PTPRD: variants seen among roughly 807,000 people sequenced by gnomAD.
The protein encoded by PTPRD is receptor-type tyrosine-protein phosphatase delta.
Under a neutral mutation model 214.5 loss-of-function variants are expected in PTPRD, and 34 were observed. The observed-to-expected ratio is 0.16, with a 90% CI of 0.12 to 0.21. The LOEUF is 0.21. Ranked by LOEUF, PTPRD falls within the 10% of genes least tolerant of loss-of-function variation. The probability of loss-of-function intolerance (pLI) is 1.00; values close to 1 mark genes in which losing one functional copy is unlikely to be tolerated. For synonymous variants in PTPRD, 1,128 were observed against 845.7 expected, an observed-to-expected ratio of 1.33 and a Z score of -5.79; for missense variants, 2,545 against 2,398.7, an observed-to-expected ratio of 1.06 and a Z score of -1.27.
intron 2 of PTPRD, among the ~76,000 whole-genome samples, chr9:10,443,374 A>T (rs1442708390): frequency 6.6e-6 from 1 of 151,634 alleles, no homozygotes; most frequent in African/African-American, 2.4e-5. Context: ...CTAACTTCAC[A>T]TAGCCTGCAA....
intron 4 of PTPRD, among the ~76,000 whole-genome samples, chr9:10,013,467 G>A (rs1467071909): frequency 6.6e-6 from 1 of 151,506 alleles, no homozygotes; most frequent in Non-Finnish European, 1.5e-5. Context: ...CTTATAACAA[G>A]CCATACCAAA....
intron 11 of PTPRD, among the ~76,000 whole-genome samples, chr9:8,902,237 A>C (rs34657422): frequency 0.23 from 34,294 of 152,114 alleles, 5,207 homozygotes; most frequent in African/African-American, 0.42. Flanking sequence ...TGTTGGTAGA[A>C]CAGCAACTTC....
At chr9:8,657,150 A>C (rs1230608657) in intron 12 of PTPRD, among the ~76,000 whole-genome samples, 1 of 143,954 alleles carries the variant, frequency 6.9e-6, no homozygotes, top group Non-Finnish European at 1.5e-5. Flanking sequence ...GTGTCTGTTC[A>C]TGTCTTTTGC....
chr9:9,454,081 GA>G lies in PTPRD; in HGVS notation c.-236-56600del, dbSNP rs564221293. ...AAGAATTTCACGACAGATTCTTACAGAAAAAAAAGTGTAAGACAATGTTTAC... is the reference window on the plus strand; with the variant it reads ...AAGAATTTCACGACAGATTCTTACAGAAAAAAAGTGTAAGACAATGTTTAC... On this transcript the variant is annotated intron_variant, in intron 8 of 45. Transcript: ENST00000381196. Among the ~76,000 whole-genome samples, 10 of 150,652 alleles carry G rather than the reference GA, an allele frequency of 6.6e-5. 1 individual carries two copies. In the South Asian group the frequency reaches 1.3e-3, roughly 19 times the overall value.
At chr9:9,738,507 G>A (rs539398362) in intron 6 of PTPRD, among the ~76,000 whole-genome samples, 2 of 133,584 alleles carry the variant, frequency 1.5e-5, no homozygotes, top group South Asian at 2.4e-4. Flanking sequence ...CCATCAGTGC[G>A]ATCTTGGCTC....
intron 7 of PTPRD, among the ~76,000 whole-genome samples, chr9:9,644,191 T>G (rs1409630199): frequency 1.3e-5 from 2 of 152,200 alleles, no homozygotes; most frequent in African/African-American, 4.8e-5. Context: ...AAGTATGCAT[T>G]GTCGTAGCCT....
intron 7 of PTPRD, among the ~76,000 whole-genome samples, chr9:9,597,888 A>G (rs1335967791): frequency 1.3e-5 from 2 of 152,092 alleles, no homozygotes; most frequent in African/African-American, 4.8e-5. Context: ...AGCAGTGTTG[A>G]TAAAAGAATA....
At chr9:8,818,920 T>C (rs765455633) in intron 11 of PTPRD, among the ~76,000 whole-genome samples, 83 of 152,244 alleles carry the variant, frequency 5.5e-4, no homozygotes, top group Middle Eastern at 3.4e-3. Flanking sequence ...CCGGTAACAT[T>C]TGGAAGAATA....
At chr9:10,509,144 T>G (rs2047090718) in intron 2 of PTPRD, among the ~76,000 whole-genome samples, 1 of 152,062 alleles carries the variant, frequency 6.6e-6, no homozygotes, top group Non-Finnish European at 1.5e-5. Context: ...TATATGCAGG[T>G]AAACTTTGAC....
chr9:9,070,612 T>A (rs1329310766), intron 10 of PTPRD, among the ~76,000 whole-genome samples: 8 of 152,194 alleles, frequency 5.3e-5, no homozygotes, highest in Admixed American at 6.5e-5. Context: ...TAAATTATTT[T>A]AAAATAAAAG....
chr9:8,691,566 T>G (rs545961208), intron 12 of PTPRD, among the ~76,000 whole-genome samples: 96 of 152,290 alleles, frequency 6.3e-4, no homozygotes, highest in African/African-American at 2.2e-3. Context: ...TTTTGAAACC[T>G]TCATTACATA....
Position 9,205,628 on chromosome 9 carries a change from T to G in PTPRD, c.-202-22265A>C, listed in dbSNP as rs192507463. ...GTTTTCTTAGCACTAAGCATACATTTTATATCTTTTTTGTGGCTTTTAGTT... is the reference window on the plus strand; with the variant it reads ...GTTTTCTTAGCACTAAGCATACATTGTATATCTTTTTTGTGGCTTTTAGTT... On this transcript the variant is annotated intron_variant, in intron 9 of 45. Coordinates refer to ENST00000381196, the MANE Select transcript of PTPRD (RefSeq NM_002839.4). Among the ~76,000 whole-genome samples the G allele has an allele frequency of 1.6e-4, 24 of 152,330 alleles. No individual in the cohort carries two copies. In the East Asian group the frequency reaches 4.4e-3, roughly 28 times the overall value.
At chr9:9,070,574 C>T (rs324512) in intron 10 of PTPRD, among the ~76,000 whole-genome samples, 111,227 of 151,946 alleles carry the variant, frequency 0.73, 40,979 homozygotes, top group Non-Finnish European at 0.78. Context: ...AGGCTCTATA[C>T]AGTTTTTCTT....
At chr9:8,850,926 G>A (rs1380690596) in intron 11 of PTPRD, among the ~76,000 whole-genome samples, 1 of 152,176 alleles carries the variant, frequency 6.6e-6, no homozygotes, top group Non-Finnish European at 1.5e-5. Flanking sequence ...TTTAAACATT[G>A]AAAACATATG....
chr9:8,966,477 T>C (rs1437164431), intron 11 of PTPRD, among the ~76,000 whole-genome samples: 3 of 151,514 alleles, frequency 2.0e-5, no homozygotes. Context: ...CCATCTGATA[T>C]TCGACAAAGT....
intron 2 of PTPRD, among the ~76,000 whole-genome samples, chr9:10,485,364 T>A (rs1389554956): frequency 1.3e-5 from 2 of 152,122 alleles, no homozygotes; most frequent in Non-Finnish European, 2.9e-5. Flanking sequence ...TGGATCCATA[T>A]AACTTTGAGA....
intron 3 of PTPRD, among the ~76,000 whole-genome samples, chr9:10,327,097 T>C (rs778494458): frequency 8.0e-5 from 12 of 150,616 alleles, no homozygotes; most frequent in Non-Finnish European, 1.8e-4. Flanking sequence ...AACATGCACA[T>C]ATATCATGTA....
intron 10 of PTPRD, among the ~76,000 whole-genome samples, chr9:9,100,719 TC>T (rs1233307565): frequency 2.0e-5 from 3 of 152,168 alleles, no homozygotes; most frequent in African/African-American, 7.2e-5. Context: ...CAGGAATATT[TC>T]TAGGCAGGTC....
rs889803107 is a variant in PTPRD at position 9,064,432 on chromosome 9, G to C, written c.-142-45697C>G. Among the ~76,000 whole-genome samples the C allele has an allele frequency of 5.9e-5, 9 of 152,068 alleles. No homozygotes were observed. In the South Asian group the frequency reaches 1.9e-3, roughly 32 times the overall value. ...TCATTGTCCCATGATGTCTTTTCTT[G>C]GGTCATCTTGATAACTGATTGTCAC... On this transcript the variant is annotated intron_variant, in intron 10 of 45. Transcript: ENST00000381196.
Sources: gnomAD v4.1 joint callset for allele counts (sites outside exome capture counted in the v4.1 genomes callset) on GRCh38, gnomAD v4.1.1 for gene constraint, MANE v1.5 for transcripts, NCBI Gene and HGNC (gene_info 2026-07-23, HGNC 2026-07-21) for gene names.